The following NTM variants were observed in gnomAD, a reference collection of about 807,000 sequenced individuals.
NTM encodes neurotrimin.
A neutral mutation model predicts 42.1 loss-of-function variants in NTM; 13 were observed. That is an observed-to-expected ratio of 0.31 (90% CI 0.20 to 0.49). The LOEUF (loss-of-function observed/expected upper bound fraction) is 0.49, where lower values mean the gene tolerates loss of function less well. NTM is among the 20% of genes least tolerant of loss of function. NTM has a pLI of 0.99. For missense variants in NTM, 373 were observed against 452.8 expected (o/e 0.82, Z 1.60); for synonymous variants, 187 against 179.2 (o/e 1.04, Z -0.35).
At chr11:131,628,429 A>C (rs566864074) in intron 1 of NTM, among the ~76,000 whole-genome samples, 2 of 152,348 alleles carry the variant, frequency 1.3e-5, no homozygotes, top group East Asian at 3.9e-4. Context: ...AGAATATTTT[A>C]AACATTCTCA....
At chr11:132,206,194 T>C (rs1484839639) in intron 3 of NTM, among the ~76,000 whole-genome samples, 1 of 152,228 alleles carries the variant, frequency 6.6e-6, no homozygotes, top group Non-Finnish European at 1.5e-5. Flanking sequence ...AACAGATTCT[T>C]TTTCTTAAAA....
intron 1 of NTM, among the ~76,000 whole-genome samples, chr11:131,580,742 GT>G (rs2058333945): frequency 6.6e-6 from 1 of 152,182 alleles, no homozygotes; most frequent in African/African-American, 2.4e-5. Flanking sequence ...AGGAATGTAA[GT>G]TAGCATTTCT....
At chr11:132,093,452 G>C (rs1320815154) in intron 2 of NTM, among the ~76,000 whole-genome samples, 2 of 152,046 alleles carry the variant, frequency 1.3e-5, no homozygotes, top group Admixed American at 1.3e-4. Flanking sequence ...ACAGATATTG[G>C]ACTGAGCAGT....
chr11:131,829,797 A>G (rs563382306), intron 1 of NTM, among the ~76,000 whole-genome samples: 48 of 152,150 alleles, frequency 3.2e-4, no homozygotes, highest in Non-Finnish European at 4.4e-4. Context: ...CATTCTCATC[A>G]TAGTGTATAA....
At chr11:131,643,803 C>T (rs1211028964) in intron 1 of NTM, among the ~76,000 whole-genome samples, 1 of 152,126 alleles carries the variant, frequency 6.6e-6, no homozygotes, top group African/African-American at 2.4e-5. Flanking sequence ...CAGGGCCAGG[C>T]TGAGAGTTCA....
intron 3 of NTM, among the ~76,000 whole-genome samples, chr11:132,183,996 G>A (rs1162839163): frequency 1.3e-5 from 2 of 152,072 alleles, no homozygotes; most frequent in Non-Finnish European, 2.9e-5. Context: ...AGGACCGACC[G>A]TGTCTTCCCA....
intron 1 of NTM, among the ~76,000 whole-genome samples, chr11:131,543,146 C>T (rs103611): frequency 0.018 from 2,690 of 152,110 alleles, 92 homozygotes; most frequent in African/African-American, 0.059. Context: ...CCAGTTGAAA[C>T]GCTGCCATTT....
chr11:131,938,719 G>C (rs1358365431), intron 2 of NTM, among the ~76,000 whole-genome samples: 1 of 152,234 alleles, frequency 6.6e-6, no homozygotes, highest in Non-Finnish European at 1.5e-5. Flanking sequence ...TGGTGGTGGT[G>C]GTGTGGAAGG....
intron 1 of NTM, among the ~76,000 whole-genome samples, chr11:131,406,699 C>G (rs1047767899): frequency 5.9e-5 from 9 of 152,152 alleles, no homozygotes; most frequent in Admixed American, 5.9e-4. Flanking sequence ...TACATGTGAT[C>G]TTGATCTCTC....
intron 2 of NTM, among the ~76,000 whole-genome samples, chr11:131,985,891 C>A (rs1169690817): frequency 6.6e-6 from 1 of 152,212 alleles, no homozygotes; most frequent in African/African-American, 2.4e-5. Flanking sequence ...AGTCTGTCAT[C>A]AGGACACAGC....
intron 1 of NTM, among the ~76,000 whole-genome samples, chr11:131,848,016 T>G (rs2136767556): frequency 6.6e-6 from 1 of 152,372 alleles, no homozygotes; most frequent in Non-Finnish European, 1.5e-5. Context: ...TTGTAACATT[T>G]TAACCAGTAA....
chr11:131,648,858 G>T (rs1308933380), intron 1 of NTM, among the ~76,000 whole-genome samples: 16 of 152,132 alleles, frequency 1.1e-4, no homozygotes, highest in Non-Finnish European at 2.4e-4. Context: ...TCTCTGGGAG[G>T]CCTTTTTAAG....
intron 1 of NTM, among the ~76,000 whole-genome samples, chr11:131,904,119 T>C (rs1350039520): frequency 6.6e-6 from 1 of 152,210 alleles, no homozygotes; most frequent in Non-Finnish European, 1.5e-5. Context: ...TATGTTATTA[T>C]GCAAATTCTT....
At chr11:132,046,254 CATT>C (rs2077970458) in intron 2 of NTM, among the ~76,000 whole-genome samples, 1 of 152,096 alleles carries the variant, frequency 6.6e-6, no homozygotes, top group Non-Finnish European at 1.5e-5. Flanking sequence ...GCTATTTTGT[CATT>C]ATTGCTATCA....
At chr11:131,806,618 A>G (rs1591989729) in intron 1 of NTM, among the ~76,000 whole-genome samples, 1 of 152,216 alleles carries the variant, frequency 6.6e-6, no homozygotes, top group East Asian at 1.9e-4. Context: ...CAGAAAGGAG[A>G]AGGAATTTGC....
chr11:132,171,304 G>A (rs571337867), intron 3 of NTM, among the ~76,000 whole-genome samples: 11 of 152,284 alleles, frequency 7.2e-5, no homozygotes, highest in African/African-American at 2.2e-4. Context: ...CTATGACAAA[G>A]TACCATAGAC....
chr11:132,114,604 A>G (rs932392435), intron 2 of NTM, among the ~76,000 whole-genome samples: 6 of 152,190 alleles, frequency 3.9e-5, no homozygotes, highest in Non-Finnish European at 7.3e-5. Flanking sequence ...TAACTCACTC[A>G]TGATCCTATA....
At chr11:132,160,004 A>G (rs984756168) in intron 3 of NTM, among the ~76,000 whole-genome samples, 1 of 152,220 alleles carries the variant, frequency 6.6e-6, no homozygotes, top group Non-Finnish European at 1.5e-5. Context: ...GTTCAAATGA[A>G]AAATGGGAAA....
chr11:131,826,673 A>AT (rs34071893), intron 1 of NTM, among the ~76,000 whole-genome samples: 1 of 151,932 alleles, frequency 6.6e-6, no homozygotes, highest in Non-Finnish European at 1.5e-5. Context: ...GCAGGGAGGA[A>AT]TTTTTTCATT....
Sources: allele counts gnomAD v4.1 joint callset (sites outside exome capture counted in the v4.1 genomes callset), GRCh38; gene constraint gnomAD v4.1.1; transcripts MANE v1.5; gene names NCBI Gene and HGNC (gene_info 2026-07-23, HGNC 2026-07-21).